The following PIK3CA variants were observed in gnomAD, a reference collection of about 807,000 sequenced individuals.
PIK3CA encodes phosphatidylinositol 4,5-bisphosphate 3-kinase catalytic subunit alpha isoform.
In PIK3CA, 27 loss-of-function variants were observed where a neutral mutation model predicts 138.2. That is an observed-to-expected ratio of 0.20 (90% confidence interval 0.14 to 0.27). The LOEUF (loss-of-function observed/expected upper bound fraction) is 0.27. Ranked by LOEUF, PIK3CA falls within the 10% of genes least tolerant of loss-of-function variation. The pLI is 1.00. For synonymous variants in PIK3CA, 358 were observed against 413.2 expected (o/e 0.87, Z 1.62); for missense variants, 544 against 1,277.4 (o/e 0.43, Z 8.75).
intron 1 of PIK3CA, among the ~76,000 whole-genome samples, chr3:179,159,649 CTCAG>C (rs1576913214): frequency 2.6e-5 from 4 of 152,182 alleles, no homozygotes; most frequent in South Asian, 2.1e-4. Context: ...ACTGTACCTA[CTCAG>C]TCAAACATAA....
intron 14 of PIK3CA, 53 bp from the exon 15 acceptor site, chr3:179,224,028 T>A: frequency 1.0e-6 from 1 of 981,148 alleles, no homozygotes; most frequent in South Asian, 1.3e-5. Flanking sequence ...GCAGTTAGTT[T>A]TATCTTTTAT....
At chr3:179,189,658 C>T (rs1724078052) in intron 1 of PIK3CA, among the ~76,000 whole-genome samples, 1 of 151,954 alleles carries the variant, frequency 6.6e-6, no homozygotes. Context: ...AAACCCTTGT[C>T]TTATATAATG....
intron 9 of PIK3CA, among the ~76,000 whole-genome samples, chr3:179,211,499 G>T (rs769306373): frequency 3.0e-4 from 46 of 152,006 alleles, no homozygotes; most frequent in African/African-American, 1.1e-3. Flanking sequence ...GTGAAATCCC[G>T]TCTCTACTAA....
At chr3:179,180,085 T>A (rs998147866) in intron 1 of PIK3CA, among the ~76,000 whole-genome samples, 2 of 152,094 alleles carry the variant, frequency 1.3e-5, no homozygotes, top group Admixed American at 1.3e-4. Context: ...CAAGGCTGTA[T>A]TGCATAGTTA....
At chr3:179,224,268 T>C (rs1172594575) in intron 15 of PIK3CA, 81 bp downstream of exon 15, 1 of 693,364 alleles carries the variant, frequency 1.4e-6, no homozygotes. Context: ...AAAATGTCTG[T>C]TATAATTAGA....
At chr3:179,153,205 C>T (rs1723055743) in intron 1 of PIK3CA, among the ~76,000 whole-genome samples, 1 of 152,080 alleles carries the variant, frequency 6.6e-6, no homozygotes, top group Non-Finnish European at 1.5e-5. Context: ...TTCAGATTAG[C>T]GGTTACAGAT....
At chr3:179,196,446 G>T (rs558738507) in intron 1 of PIK3CA, among the ~76,000 whole-genome samples, 2 of 152,192 alleles carry the variant, frequency 1.3e-5, no homozygotes, top group South Asian at 2.1e-4. Flanking sequence ...GATCCATCTG[G>T]TCTTTTTACT....
chr3:179,173,427 AACTT>A, intron 1 of PIK3CA, among the ~76,000 whole-genome samples: 1 of 149,170 alleles, frequency 6.7e-6, no homozygotes, highest in Non-Finnish European at 1.5e-5. Flanking sequence ...AAAAAAAAAA[AACTT>A]AGCCAGGTGT....
intron 1 of PIK3CA, among the ~76,000 whole-genome samples, chr3:179,166,534 C>T (rs1002405639): frequency 6.6e-6 from 1 of 152,180 alleles, no homozygotes; most frequent in African/African-American, 2.4e-5. Flanking sequence ...AGCCATTTGT[C>T]TCTCACTTTC....
rs1422111479 is a variant in PIK3CA at position 179,199,192 on chromosome 3, CCTATT to C, written c.352+19_352+23del. ...TCGAGAAATTGGTATGATACAATAT[CCTATT>C]CTAAAATGCAAATAACCATAAAGCT... On this transcript the variant is annotated intron_variant, in intron 2 of 20. Transcript: ENST00000263967. The C allele has an allele frequency of 6.8e-7, 1 of 1,478,240 alleles. No individual in the cohort carries two copies. The highest frequency in any genetic ancestry group is 9.1e-7 in the Non-Finnish European group (1 of 1,095,592). The allele number at this position is 1,478,240 out of a possible 1,614,324, so 91.6% of individuals were successfully genotyped here. A position where few individuals can be genotyped will look rare whatever the true frequency, so the allele number is the denominator to read the frequency against.
intron 1 of PIK3CA, among the ~76,000 whole-genome samples, chr3:179,193,848 G>C (rs1724196515): frequency 6.6e-6 from 1 of 152,130 alleles, no homozygotes; most frequent in Non-Finnish European, 1.5e-5. Context: ...GTGGTTTCTT[G>C]ACCCTTAAAG....
intron 1 of PIK3CA, among the ~76,000 whole-genome samples, chr3:179,165,180 G>A (rs973052946): frequency 1.2e-4 from 19 of 152,236 alleles, no homozygotes; most frequent in African/African-American, 4.3e-4. Flanking sequence ...AGACTGGGGG[G>A]AGATTAACAC....
intron 6 of PIK3CA, among the ~76,000 whole-genome samples, chr3:179,205,145 T>C (rs1478561438): frequency 1.3e-5 from 2 of 151,662 alleles, no homozygotes; most frequent in Non-Finnish European, 2.9e-5. Flanking sequence ...TCCTGGAAGT[T>C]CCAGGCTGCA....
Position 179,219,516 on chromosome 3 carries a change from C to T in PIK3CA, c.1747-55C>T, listed in dbSNP as rs1412463910. ...AGTTAAGGCAGTGTTTTAGATGGCTCATTCACAACTATCTTTCCCCTTTAA... is the reference window on the plus strand; with the variant it reads ...AGTTAAGGCAGTGTTTTAGATGGCTTATTCACAACTATCTTTCCCCTTTAA... On this transcript the variant is annotated intron_variant, in intron 11 of 20. Coordinates refer to ENST00000263967, the MANE Select transcript of PIK3CA (RefSeq NM_006218.4). The surrounding 1 kb of genome is among the most constrained non-coding windows in gnomAD (Gnocchi z 4.2). The T allele has an allele frequency of 3.7e-6, 3 of 817,322 alleles. No homozygotes were observed. The African/African-American group carries it at 5.2e-5, about 14-fold the overall frequency. 50.6% of individuals were successfully genotyped at this position (817,322 alleles called of 1,614,324 possible). A position where few individuals can be genotyped will look rare whatever the true frequency, so the allele number is the denominator to read the frequency against.
intron 1 of PIK3CA, among the ~76,000 whole-genome samples, chr3:179,158,318 T>C (rs1723190710): frequency 1.3e-5 from 2 of 152,198 alleles, no homozygotes; most frequent in East Asian, 1.9e-4. Context: ...GAGGAATTAA[T>C]GGACAGAAGG....
intron 1 of PIK3CA, among the ~76,000 whole-genome samples, chr3:179,185,339 T>C (rs944471430): frequency 1.3e-5 from 2 of 152,238 alleles, no homozygotes; most frequent in East Asian, 3.8e-4. Context: ...ATTACCTTTT[T>C]CTAGATTCTG....
chr3:179,203,097 C>T (rs1477531720), intron 4 of PIK3CA, among the ~76,000 whole-genome samples: 11 of 151,766 alleles, frequency 7.2e-5, no homozygotes, highest in African/African-American at 2.4e-4. Flanking sequence ...CCCGCCACTA[C>T]GCCCGGCTAA....
In PIK3CA at chr3:179,230,519, C is replaced by A; in HGVS notation, c.2936+143C>A. ...CCTGTAATCCCAACTCTTTGGGAGG[C>A]CGAGGCTGGAGGATCACTTGAGCTC... On this transcript the variant is annotated intron_variant, in intron 20 of 20. Transcript: ENST00000263967. The surrounding 1 kb of genome is among the most constrained non-coding windows in gnomAD (Gnocchi z 5.4). 1 of 674,364 alleles carries A rather than the reference C, an allele frequency of 1.5e-6. No individual in the cohort carries two copies. The highest frequency in any genetic ancestry group is 2.5e-6 in the Non-Finnish European group (1 of 407,132). 41.8% of individuals were successfully genotyped at this position (674,364 alleles called of 1,614,324 possible).
intron 1 of PIK3CA, among the ~76,000 whole-genome samples, chr3:179,158,738 A>G (rs1279267413): frequency 6.6e-6 from 1 of 152,152 alleles, no homozygotes; most frequent in Non-Finnish European, 1.5e-5. Flanking sequence ...AAAATAAGGA[A>G]AGCAACCATG....
Sources: allele counts gnomAD v4.1 joint callset (sites outside exome capture counted in the v4.1 genomes callset), GRCh38; gene constraint gnomAD v4.1.1; non-coding constraint Gnocchi (gnomAD v3.1); transcripts MANE v1.5; gene names NCBI Gene and HGNC (gene_info 2026-07-23, HGNC 2026-07-21).